Variants in CASK observed in about 807,000 individuals in gnomAD.
CASK encodes calcium/calmodulin dependent serine protein kinase.
A neutral mutation model predicts 82.9 loss-of-function variants in CASK; 4 were observed. The observed-to-expected ratio is 0.05, with a 90% confidence interval of 0.02 to 0.11. CASK has a LOEUF of 0.11. Ranked by LOEUF, CASK falls within the 10% of genes least tolerant of loss-of-function variation. CASK has a pLI of 1.00. For synonymous variants in CASK, 259 were observed against 253.5 expected, an observed-to-expected ratio of 1.02 and a Z score of -0.20; for missense variants, 358 against 720.9, an observed-to-expected ratio of 0.50 and a Z score of 5.76.
chrX:41,849,774 CTCA>C (rs2071225341), intron 2 of CASK, among the ~76,000 whole-genome samples: 1 of 112,211 alleles, frequency 8.9e-6, no homozygotes, highest in South Asian at 3.7e-4. Context: ...TATGAAATGT[CTCA>C]TCTTTAGCCT....
At chrX:41,782,947 C>A (rs1365833025) in intron 3 of CASK, among the ~76,000 whole-genome samples, 1 of 111,267 alleles carries the variant, frequency 9.0e-6, no homozygotes, top group Non-Finnish European at 1.9e-5. Flanking sequence ...GGGTGTGAGA[C>A]CAGCCTGGCC....
At chrX:41,772,345 C>CAAAAAA (rs761427437) in intron 3 of CASK, among the ~76,000 whole-genome samples, 1 of 26,356 alleles carries the variant, frequency 3.8e-5, no homozygotes, top group Non-Finnish European at 5.8e-5. Flanking sequence ...GACTCTGTCT[C>CAAAAAA]AAAAAAAAAA....
intron 2 of CASK, among the ~76,000 whole-genome samples, chrX:41,788,347 G>C (rs184294246): frequency 2.2e-3 from 249 of 110,746 alleles, no homozygotes; most frequent in Non-Finnish European, 3.5e-3. Context: ...GAAATCGCTT[G>C]CCATGTCTAC....
intron 5 of CASK, among the ~76,000 whole-genome samples, chrX:41,707,275 A>G (rs889512969): frequency 8.9e-6 from 1 of 112,099 alleles, no homozygotes; most frequent in Non-Finnish European, 1.9e-5. Context: ...ACCTGAGACC[A>G]TCACATTGTA....
intron 5 of CASK, chrX:41,697,467 A>G (rs1197095559): frequency 8.8e-6 from 1 of 113,382 alleles, no homozygotes; most frequent in African/African-American, 3.2e-5. Flanking sequence ...GAACATGCAT[A>G]TTCTGTGATC....
At chrX:41,550,086 G>C (rs2065076038) in intron 21 of CASK, among the ~76,000 whole-genome samples, 1 of 109,780 alleles carries the variant, frequency 9.1e-6, no homozygotes, top group East Asian at 2.9e-4. Flanking sequence ...ACTTGAACCG[G>C]GGAGGCAGAG....
chrX:41,660,678 A>G lies in CASK; in HGVS notation c.709-117T>C, dbSNP rs763827036. On this transcript the variant is annotated intron_variant, in intron 7 of 26. Coordinates refer to ENST00000378163, the MANE Select transcript of CASK (RefSeq NM_001367721.1). Reference sequence around the variant, plus strand: ...ATAAAATTCTGAGAGCAAAGAACAGAAATTTGATTCTAAAGGCTTGCATTC... The same window carrying G: ...ATAAAATTCTGAGAGCAAAGAACAGGAATTTGATTCTAAAGGCTTGCATTC... 15 of 744,665 alleles carry G rather than the reference A, an allele frequency of 2.0e-5. No individual in the cohort carries two copies. The African/African-American group carries it at 2.1e-4, about 10-fold the overall frequency. The allele number at this position is 744,665 out of a possible 1,213,427, so 61.4% of individuals were successfully genotyped here. A position where few individuals can be genotyped will look rare whatever the true frequency, so the allele number is the denominator to read the frequency against.
chrX:41,713,174 G>T (rs919820471), intron 5 of CASK, among the ~76,000 whole-genome samples: 1 of 112,256 alleles, frequency 8.9e-6, no homozygotes, highest in Non-Finnish European at 1.9e-5. Context: ...ATCAAGAAGG[G>T]TAGTCAATGT....
intron 21 of CASK, among the ~76,000 whole-genome samples, chrX:41,544,787 G>A (rs2064999146): frequency 9.1e-6 from 1 of 109,989 alleles, no homozygotes; most frequent in Admixed American, 9.7e-5. Flanking sequence ...TGTAGTCCCA[G>A]CTACTAGGAA....
At chrX:41,535,056 T>A in intron 22 of CASK, 83 bp from the exon 23 acceptor site, 1 of 584,040 alleles carries the variant, frequency 1.7e-6, no homozygotes, top group Non-Finnish European at 2.8e-6. Context: ...CTGGCAAAAC[T>A]ACAGTTATAT....
At chrX:41,771,403 G>A (rs2069242144) in intron 3 of CASK, among the ~76,000 whole-genome samples, 1 of 111,745 alleles carries the variant, frequency 8.9e-6, no homozygotes, top group African/African-American at 3.3e-5. Flanking sequence ...AAAGAATAAA[G>A]AACAAACAAA....
intron 20 of CASK, among the ~76,000 whole-genome samples, chrX:41,554,455 C>T (rs2065136737): frequency 8.9e-6 from 1 of 111,981 alleles, no homozygotes; most frequent in African/African-American, 3.2e-5. Flanking sequence ...TTAAGTGTAA[C>T]TCAAACAATT....
chrX:41,830,682 T>C (rs1051005325), intron 2 of CASK, among the ~76,000 whole-genome samples: 4 of 107,203 alleles, frequency 3.7e-5, no homozygotes, highest in South Asian at 4.3e-4. Flanking sequence ...TAGCCGGGCG[T>C]GGTGGCGGGT....
chrX:41,558,279 G>A (rs1286889674), intron 18 of CASK: 1 of 109,326 alleles, frequency 9.1e-6, no homozygotes. Flanking sequence ...TAGGAGAGAA[G>A]TATCATTATT....
chrX:41,840,293 A>G (rs760744344), intron 2 of CASK, among the ~76,000 whole-genome samples: 9 of 111,877 alleles, frequency 8.0e-5, no homozygotes, highest in Non-Finnish European at 1.5e-4. Flanking sequence ...TATCTTGTAT[A>G]TATTTTGTTA....
rs184687607 is a variant in CASK at position 41,520,723 on chromosome X, G to C, written c.2605-127C>G. On this transcript the variant is annotated intron_variant, in intron 26 of 26. Coordinates refer to ENST00000378163, the MANE Select transcript of CASK (RefSeq NM_001367721.1). ...CATCCCAGTGTCAGAAACAGTCAAG[G>C]CCAGACCCTGATATGCCATATGCCA... 3 of 589,971 alleles carry C rather than the reference G, an allele frequency of 5.1e-6. No homozygotes were observed. The African/African-American group carries it at 6.7e-5, about 13-fold the overall frequency. The allele number at this position is 589,971 out of a possible 1,213,427, so 48.6% of individuals were successfully genotyped here. A position where few individuals can be genotyped will look rare whatever the true frequency, so the allele number is the denominator to read the frequency against.
Position 41,534,560 on chromosome X carries a change from C to G in CASK, c.2317+146G>C, listed in dbSNP as rs183420554. On this transcript the variant is annotated intron_variant, in intron 24 of 26. Transcript: ENST00000378163. ...AGAGGGGTTGGGATTACTGTTAACTCATTTTCCTCCTTGTTCTTTTTTTGA... is the reference window on the plus strand; with the variant it reads ...AGAGGGGTTGGGATTACTGTTAACTGATTTTCCTCCTTGTTCTTTTTTTGA... 17 of 485,959 alleles carry G rather than the reference C, an allele frequency of 3.5e-5. No homozygotes were observed. The Admixed American group carries it at 6.0e-4, about 17-fold the overall frequency. 40.0% of individuals were successfully genotyped at this position (485,959 alleles called of 1,213,427 possible).
rs1032610680 is a variant in CASK, at chrX:41,515,823, T to G, written c.*4597A>C. ...CCTAAGCCTCTGTCAGTAAGAACAC[T>G]GGCGTGTTCTCTCAGTCACACACCA... On this transcript the variant is annotated 3_prime_UTR_variant, in exon 27 of 27. Coordinates refer to ENST00000378163, the MANE Select transcript of CASK (RefSeq NM_001367721.1). The G allele has an allele frequency of 8.9e-6, 1 of 112,453 alleles. No homozygotes were observed. The highest frequency in any genetic ancestry group is 1.9e-5 in the Non-Finnish European group (1 of 53,267). The allele number at this position is 112,453 out of a possible 1,213,427, so 9.3% of individuals were successfully genotyped here. A position where few individuals can be genotyped will look rare whatever the true frequency, so the allele number is the denominator to read the frequency against.
intron 1 of CASK, among the ~76,000 whole-genome samples, chrX:41,916,039 C>T (rs200961161): frequency 2.8e-5 from 3 of 106,736 alleles, no homozygotes; most frequent in East Asian, 5.9e-4. Context: ...TAGCCAGGCG[C>T]GGTGGTGCAT....
Sources: allele counts gnomAD v4.1 joint callset (sites outside exome capture counted in the v4.1 genomes callset), GRCh38; gene constraint gnomAD v4.1.1; transcripts MANE v1.5; gene names NCBI Gene and HGNC (gene_info 2026-07-23, HGNC 2026-07-21).